The following LHX1 variants were observed in gnomAD, a reference collection of about 807,000 sequenced individuals.
The protein encoded by LHX1 is LIM/homeobox protein Lhx1.
In LHX1, 9 loss-of-function variants were observed where a neutral mutation model predicts 34.1. The ratio of observed to expected loss-of-function variants is 0.26; its 90% CI spans 0.16 to 0.46. The LOEUF (loss-of-function observed/expected upper bound fraction) is 0.46. Among genes scored for constraint, LHX1 ranks in the 20% least tolerant of loss-of-function variants. LHX1 has a pLI of 1.00. For synonymous variants in LHX1, 254 were observed against 241.5 expected, an observed-to-expected ratio of 1.05 and a Z score of -0.48; for missense variants, 446 against 559.1, an observed-to-expected ratio of 0.80 and a Z score of 2.04.
rs2070790213 is a variant in LHX1, at chr17:36,944,521, C to T, written c.*1390C>T. 1 of 152,138 alleles carries T rather than the reference C, an allele frequency of 6.6e-6. No homozygotes were observed. The highest frequency in any genetic ancestry group is 2.4e-5 in the African/African-American group (1 of 41,420). 9.4% of individuals were successfully genotyped at this position (152,138 alleles called of 1,614,324 possible). On this transcript the variant is annotated 3_prime_UTR_variant, in exon 5 of 5. Coordinates refer to ENST00000614239, the MANE Select transcript of LHX1 (RefSeq NM_005568.5). ...TTCTAATAAACCTAAGCTTGTGTGA[C>T]CTCCAGTGCATATTAGACCATTCAC...
At chr17:36,940,014 G>C (rs976978268) in intron 1 of LHX1, 3 of 586,228 alleles carry the variant, frequency 5.1e-6, no homozygotes, top group Non-Finnish European at 9.1e-6. Flanking sequence ...GGGCTTGGCG[G>C]GTAGCTTGGG....
intron 4 of LHX1, 105 bp from the exon 5 acceptor site, chr17:36,942,647 C>A: frequency 7.9e-7 from 1 of 1,259,562 alleles, no homozygotes; most frequent in Non-Finnish European, 1.1e-6. Context: ...GCGAGTTCCC[C>A]GCGCGGCCTT....
At chr17:36,938,934 C>A (rs961546647) in intron 1 of LHX1, 1 of 232,652 alleles carries the variant, frequency 4.3e-6, no homozygotes, top group African/African-American at 2.3e-5. Flanking sequence ...GACATGCCTC[C>A]GAGTGCAGAC....
Position 36,944,262 on chromosome 17 carries a change from G to GT in LHX1, c.*1133dup, listed in dbSNP as rs1056190440. The GT allele has an allele frequency of 2.7e-5, 3 of 110,372 alleles. No homozygotes were observed. Among genetic ancestry groups the GT allele is most frequent in the Non-Finnish European group, 5.2e-5 (3 of 57,960 alleles). The allele number at this position is 110,372 out of a possible 1,614,324, so 6.8% of individuals were successfully genotyped here. On this transcript the variant is annotated 3_prime_UTR_variant, in exon 5 of 5. Coordinates refer to ENST00000614239, the MANE Select transcript of LHX1 (RefSeq NM_005568.5). ...CCTGGCACCAGCAACCTGAGAAAGTGTTAAAAAAAAAAAAAAAAAAGTGTT... is the reference window on the plus strand; with the variant it reads ...CCTGGCACCAGCAACCTGAGAAAGTGTTTAAAAAAAAAAAAAAAAAAGTGTT...
rs1204290001 is a variant in LHX1 at position 36,943,945 on chromosome 17, A to AG, written c.*814_*815insG. On this transcript the variant is annotated 3_prime_UTR_variant, in exon 5 of 5. Transcript: ENST00000614239. ...CACACAAAAAGTTAAAAAAAAAAAA[A>AG]AAGACTATTGAACTAAAAACAGTCA... 2.0e-5 allele frequency: 3 copies of AG among 151,476 alleles called. No individual in the cohort carries two copies. The highest frequency in any genetic ancestry group is 7.3e-5 in the African/African-American group (3 of 41,020). The allele number at this position is 151,476 out of a possible 1,614,324, so 9.4% of individuals were successfully genotyped here.
At chr17:36,942,401 C>G in intron 4 of LHX1, 36 bp downstream of exon 4, 1 of 1,552,100 alleles carries the variant, frequency 6.4e-7, no homozygotes, top group South Asian at 1.2e-5. Context: ...GCGGCCAGGT[C>G]GGGGCGGGCT....
At position 36,943,707 on chromosome 17, in the gene LHX1, T is replaced by C. The variant is rs2070784206; in HGVS notation, c.*576T>C. The C allele has an allele frequency of 6.6e-6, 1 of 152,242 alleles. No homozygotes were observed. Among genetic ancestry groups the C allele is most frequent in the Non-Finnish European group, 1.5e-5 (1 of 68,062 alleles). 9.4% of individuals were successfully genotyped at this position (152,242 alleles called of 1,614,324 possible). Reference sequence around the variant, plus strand: ...CGTGCATCAGGTGGGACTATATATATATTTTTTGTCTATCTGGATTTTTGG... The same window carrying C: ...CGTGCATCAGGTGGGACTATATATACATTTTTTGTCTATCTGGATTTTTGG... On this transcript the variant is annotated 3_prime_UTR_variant, in exon 5 of 5. Transcript: ENST00000614239.
chr17:36,943,193 AAT>A lies in LHX1; in HGVS notation c.*64_*65del. On this transcript the variant is annotated 3_prime_UTR_variant, in exon 5 of 5. Coordinates refer to ENST00000614239, the MANE Select transcript of LHX1 (RefSeq NM_005568.5). ...CAGAAATGAACCTTTATTTAAGAAA[AAT>A]AGAAAAAAAAAAACATAAAAAGCAA... The A allele has an allele frequency of 7.3e-7, 1 of 1,365,702 alleles. No individual in the cohort carries two copies. The highest frequency in any genetic ancestry group is 9.7e-7 in the Non-Finnish European group (1 of 1,036,048). 84.6% of individuals were successfully genotyped at this position (1,365,702 alleles called of 1,614,324 possible).
chr17:36,942,602 C>T, intron 4 of LHX1, 150 bp from the exon 5 acceptor site: 1 of 1,000,512 alleles, frequency 1.0e-6, no homozygotes, highest in Non-Finnish European at 1.4e-6. Context: ...CAGCCTCCTC[C>T]CTGCACCCAG....
Position 36,942,288 on chromosome 17 carries a change from C to A in LHX1, c.764C>A (p.Pro255Gln), listed in dbSNP as rs1374186714. 1.9e-6 allele frequency: 3 copies of A among 1,596,464 alleles called. No homozygotes were observed. The highest frequency in any genetic ancestry group is 2.6e-6 in the Non-Finnish European group (3 of 1,173,148). Residue 255 changes from proline to glutamine, a missense_variant, in exon 4 of 5, where the codon CCG (proline) becomes CAG (glutamine). This residue lies in a region of LHX1 where 235 missense variants were observed against 224.4 expected (regional missense o/e 1.05). Transcript: ENST00000614239. The stretch of plus-strand genomic sequence containing the variant: ...CGGCGCCACGCCTTCTTCCGCAGTC[C>A]GCGCCGGATGCGGCCGCTGGTGGAC... ...GARRHAFFRS[P>Q]RRMRPLVDRL... is the part of the protein sequence containing the mutation.
chr17:36,941,110 G>C (rs1394041397), intron 3 of LHX1: 10 of 767,920 alleles, frequency 1.3e-5, no homozygotes, highest in Non-Finnish European at 2.0e-5. Flanking sequence ...CGTGGCAGTG[G>C]AGGGGGAGGG....
Position 36,940,817 on chromosome 17 carries a change from C to T in LHX1, c.605C>T (p.Thr202Ile). The change falls in exon 3 of 5, where the codon ACA becomes ATA. Residue 202 changes from threonine to isoleucine, a missense_variant. By Grantham distance (89) the Thr-to-Ile change is moderately conservative. This residue lies in a region of LHX1 where 43 missense variants were observed against 108.0 expected (regional missense o/e 0.40). Coordinates refer to ENST00000614239, the MANE Select transcript of LHX1 (RefSeq NM_005568.5). ...LETLKAAFAATPKPTRHIREQ... is the reference protein window; with the variant it reads ...LETLKAAFAAIPKPTRHIREQ... The stretch of plus-strand genomic sequence containing the variant: ...ACGCTGAAGGCCGCCTTCGCTGCTA[C>T]ACCCAAGCCCACCCGCCACATCCGC... 2 of 1,557,442 alleles carry T rather than the reference C, an allele frequency of 1.3e-6. No homozygotes were observed. The highest frequency in any genetic ancestry group is 1.9e-5 in the Admixed American group (1 of 53,318).
Position 36,940,818 on chromosome 17 carries a change from A to T in LHX1, c.606A>T (p.Thr202=). The T allele has an allele frequency of 6.4e-7, 1 of 1,555,186 alleles. No homozygotes were observed. The highest frequency in any genetic ancestry group is 8.7e-7 in the Non-Finnish European group (1 of 1,154,686). The change falls in exon 3 of 5, where the codon ACA becomes ACT. Residue 202 remains threonine, a synonymous_variant. Coordinates refer to ENST00000614239, the MANE Select transcript of LHX1 (RefSeq NM_005568.5). ...LETLKAAFAA[T]PKPTRHIREQ... is the part of the protein sequence containing the mutation. The stretch of plus-strand genomic sequence containing the variant: ...CGCTGAAGGCCGCCTTCGCTGCTAC[A>T]CCCAAGCCCACCCGCCACATCCGCG...
In LHX1 at chr17:36,940,692, C is replaced by G. The variant is rs1286392769; in HGVS notation, c.480C>G (p.Asn160Lys). 1 of 1,613,696 alleles carries G rather than the reference C, an allele frequency of 6.2e-7. No individual in the cohort carries two copies. Among genetic ancestry groups the G allele is most frequent in the Non-Finnish European group, 8.5e-7 (1 of 1,180,052 alleles). ...QDDAKDSESA[N>K]VSDKEAGSNE... ...ACGCCAAGGACTCGGAGAGCGCCAA[C>G]GTGTCGGACAAGGAAGCGGGTAGCA... The change falls in exon 3 of 5, where the codon AAC (asparagine) becomes AAG (lysine). Residue 160 changes from asparagine to lysine, a missense_variant. Transcript: ENST00000614239.
Position 36,937,921 on chromosome 17 carries a change from T to G in LHX1, c.-277T>G. 1.7e-6 allele frequency: 1 copy of G among 596,846 alleles called. No homozygotes were observed. The highest frequency in any genetic ancestry group is 3.0e-5 in the East Asian group (1 of 33,566). The allele number at this position is 596,846 out of a possible 1,614,324, so 37.0% of individuals were successfully genotyped here. Reference sequence around the variant, plus strand: ...GCATTCTCTCCCGCCTGAGACTTCTTTTCCTCGCCCCGGGAGCTCAGGCGG... The same window carrying G: ...GCATTCTCTCCCGCCTGAGACTTCTGTTCCTCGCCCCGGGAGCTCAGGCGG... On this transcript the variant is annotated 5_prime_UTR_variant, in exon 1 of 5. Coordinates refer to ENST00000614239, the MANE Select transcript of LHX1 (RefSeq NM_005568.5).
chr17:36,943,068 T>C lies in LHX1; in HGVS notation c.1158T>C (p.Gly386=), dbSNP rs1427865960. The C allele has an allele frequency of 1.9e-6, 3 of 1,608,490 alleles. No individual in the cohort carries two copies. The Admixed American group carries it at 5.0e-5, about 27-fold the overall frequency. ...CCTTCTCGTCGCTGTCGGTCAACGGTGGGGCGAGCTACGGAAACCACCTGT... is the reference window on the plus strand; with the variant it reads ...CCTTCTCGTCGCTGTCGGTCAACGGCGGGGCGAGCTACGGAAACCACCTGT... ...SPPFSSLSVN[G]GASYGNHLSH... Residue 386 remains glycine, a synonymous_variant, in exon 5 of 5, where the codon GGT becomes GGC. Coordinates refer to ENST00000614239, the MANE Select transcript of LHX1 (RefSeq NM_005568.5).
Position 36,941,368 on chromosome 17 carries a change from A to G in LHX1, c.675+481A>G, listed in dbSNP as rs574612368. On this transcript the variant is annotated intron_variant, in intron 3 of 4. Transcript: ENST00000614239. ...CCCAGATCAGGGACTTCCCCTCCAA[A>G]GAGAGGTGGTTCCGCCGGGAGTCAG... is the stretch of plus-strand genomic sequence containing the variant. 36 of 341,216 alleles carry G rather than the reference A, an allele frequency of 1.1e-4. No individual in the cohort carries two copies. In the East Asian group the frequency reaches 2.8e-3, roughly 26 times the overall value. The allele number at this position is 341,216 out of a possible 1,614,324, so 21.1% of individuals were successfully genotyped here.
rs755853311 is a variant in LHX1, at chr17:36,940,871, A to C, written c.659A>C (p.Asn220Thr). 5.0e-6 allele frequency: 8 copies of C among 1,603,174 alleles called. No individual in the cohort carries two copies. The highest frequency in any genetic ancestry group is 6.8e-6 in the Non-Finnish European group (8 of 1,176,868). The change falls in exon 3 of 5, where the codon AAC (asparagine) becomes ACC (threonine). Residue 220 changes from asparagine (N) to threonine (T), a missense_variant. Transcript: ENST00000614239. Reference protein sequence around the residue: ...REQLAQETGLNMRVIQVWFQN... With the variant: ...REQLAQETGLTMRVIQVWFQN... ...CAGCTGGCGCAGGAGACCGGCCTCA[A>C]CATGCGCGTCATTCAGGTCAGGCCC...
In LHX1 at chr17:36,940,863, C is replaced by G. The variant is rs767324228; in HGVS notation, c.651C>G (p.Thr217=). The G allele has an allele frequency of 6.2e-7, 1 of 1,605,902 alleles. No individual in the cohort carries two copies. The highest frequency in any genetic ancestry group is 1.3e-5 in the African/African-American group (1 of 74,816). Residue 217 remains threonine (T), a synonymous_variant, in exon 3 of 5, where the codon ACC becomes ACG. Coordinates refer to ENST00000614239, the MANE Select transcript of LHX1 (RefSeq NM_005568.5). ...RHIREQLAQE[T]GLNMRVIQVW... is the part of the protein sequence containing the mutation. ...TCCGCGAGCAGCTGGCGCAGGAGAC[C>G]GGCCTCAACATGCGCGTCATTCAGG...
Sources: gnomAD v4.1 joint callset for allele counts on GRCh38, gnomAD v4.1.1 for gene constraint, gnomAD v4.1.1 regional missense constraint, MANE v1.5 for transcripts, NCBI Gene and HGNC (gene_info 2026-07-23, HGNC 2026-07-21) for gene names.